THOC1: variants seen among roughly 807,000 people sequenced by gnomAD.
The protein encoded by THOC1 is THO complex 1.
A neutral mutation model predicts 97.3 loss-of-function variants in THOC1; 29 were observed. The ratio of observed to expected loss-of-function variants is 0.30; its 90% confidence interval spans 0.22 to 0.41. The LOEUF (loss-of-function observed/expected upper bound fraction) is 0.41, where lower values mean the gene tolerates loss of function less well. Ranked by LOEUF, THOC1 falls within the 10% of genes least tolerant of loss-of-function variation. The pLI is 1.00. For missense variants in THOC1, 529 were observed against 761.9 expected (o/e 0.69, Z 3.60); for synonymous variants, 255 against 257.0 (o/e 0.99, Z 0.07).
chr18:222,167 T>C (rs17545583), intron 17 of THOC1, among the ~76,000 whole-genome samples: 12,403 of 152,320 alleles, frequency 0.081, 716 homozygotes, highest in Middle Eastern at 0.18. Context: ...TCTTTAATTC[T>C]GACCACCCCT....
intron 7 of THOC1, among the ~76,000 whole-genome samples, chr18:258,748 G>A (rs565585028): frequency 3.3e-5 from 5 of 151,928 alleles, no homozygotes; most frequent in Admixed American, 6.6e-5. Flanking sequence ...TACAGTATTT[G>A]TTTCATTATT....
chr18:259,302 C>A (rs757493602), intron 6 of THOC1, 27 bp from the exon 7 acceptor site: 2 of 1,532,058 alleles, frequency 1.3e-6, no homozygotes, highest in Non-Finnish European at 1.8e-6. Flanking sequence ...ATGAACGTTA[C>A]ACAGAAAAGA....
chr18:243,173 T>C (rs1911966012), intron 11 of THOC1, among the ~76,000 whole-genome samples: 1 of 152,214 alleles, frequency 6.6e-6, no homozygotes, highest in African/African-American at 2.4e-5. Context: ...TCAAAGCTGT[T>C]TTTACCTTCC....
intron 11 of THOC1, among the ~76,000 whole-genome samples, chr18:229,537 C>T (rs933159203): frequency 1.3e-5 from 2 of 150,348 alleles, no homozygotes; most frequent in African/African-American, 4.9e-5. Context: ...AAAAAATTAG[C>T]GGGGCGTGGT....
chr18:237,160 T>C (rs900196017), intron 11 of THOC1, among the ~76,000 whole-genome samples: 3 of 107,668 alleles, frequency 2.8e-5, no homozygotes, highest in African/African-American at 1.2e-4. Context: ...GTACTGGATT[T>C]TTTTTTTTTT....
intron 9 of THOC1, among the ~76,000 whole-genome samples, chr18:249,472 A>G (rs1784829): frequency 0.63 from 95,270 of 151,802 alleles, 30,611 homozygotes; most frequent in Admixed American, 0.71. Flanking sequence ...GACCAGCCTG[A>G]CCAACATACT....
chr18:251,235 G>A (rs1195196684), intron 9 of THOC1, among the ~76,000 whole-genome samples: 3 of 152,192 alleles, frequency 2.0e-5, no homozygotes, highest in African/African-American at 7.2e-5. Flanking sequence ...TGACTAGGAA[G>A]TATTGGAGTT....
intron 11 of THOC1, among the ~76,000 whole-genome samples, chr18:238,614 C>A (rs1911791593): frequency 6.6e-6 from 1 of 152,118 alleles, no homozygotes; most frequent in Non-Finnish European, 1.5e-5. Flanking sequence ...ATTTGTGTAT[C>A]TAAACATAGA....
chr18:252,652 T>C, intron 8 of THOC1, 40 bp from the exon 9 acceptor site: 1 of 1,517,856 alleles, frequency 6.6e-7, no homozygotes, highest in Non-Finnish European at 9.1e-7. Flanking sequence ...CATGAAGCAG[T>C]CATCAGACAG....
At chr18:240,689 A>G (rs745909464) in intron 11 of THOC1, among the ~76,000 whole-genome samples, 6 of 152,210 alleles carry the variant, frequency 3.9e-5, no homozygotes, top group East Asian at 1.9e-4. Flanking sequence ...ATGGAAGACA[A>G]TTTTTCCACA....
At position 226,841 on chromosome 18, in the gene THOC1, T is replaced by G. The variant is rs369391941; in HGVS notation, c.979A>C (p.Ile327Leu). Residue 327 changes from isoleucine (I) to leucine (L), a missense_variant, in exon 12 of 21, where the codon ATT becomes CTT. Around this residue, in one of 8 missense-constraint regions of THOC1, gnomAD observed 25 missense variants for 69.5 expected, o/e 0.36. Transcript: ENST00000261600. ...FRRHILLQYLILFQYLKGQVK... is the reference protein window; with the variant it reads ...FRRHILLQYLLLFQYLKGQVK... ...TGCCCCTTGAGATATTGGAATAAAA[T>G]GAGATACTGCAACAGGATGTGTCGA... is the stretch of plus-strand genomic sequence containing the variant. The G allele has an allele frequency of 4.3e-6, 7 of 1,612,074 alleles. No homozygotes were observed. Among genetic ancestry groups the G allele is most frequent in the Non-Finnish European group, 5.9e-6 (7 of 1,179,152 alleles).
intron 20 of THOC1, 95 bp downstream of exon 20, chr18:215,334 G>T: frequency 1.1e-6 from 1 of 915,564 alleles, no homozygotes; most frequent in Non-Finnish European, 1.7e-6. Context: ...AATGGGAGAA[G>T]TTGAGAAGTC....
intron 11 of THOC1, among the ~76,000 whole-genome samples, chr18:227,596 A>C (rs1201718041): frequency 1.1e-5 from 1 of 91,874 alleles, no homozygotes; most frequent in East Asian, 2.7e-4. Flanking sequence ...CTTGAAGGTC[A>C]CTCATGAGGA....
At chr18:249,182 A>G (rs963165076) in intron 9 of THOC1, among the ~76,000 whole-genome samples, 3 of 152,182 alleles carry the variant, frequency 2.0e-5, no homozygotes, top group Non-Finnish European at 4.4e-5. Context: ...AGCTTTCATC[A>G]TGAATTAGTA....
chr18:252,658 G>A, intron 8 of THOC1, 46 bp from the exon 9 acceptor site: 1 of 1,481,296 alleles, frequency 6.8e-7, no homozygotes, highest in Middle Eastern at 1.7e-4. Flanking sequence ...GCAGTCATCA[G>A]ACAGAAGAGA....
chr18:226,811 TG>T lies in THOC1; in HGVS notation c.1008del (p.Lys337AsnfsTer9). On this transcript the variant is annotated frameshift_variant, in exon 12 of 21. Coordinates refer to ENST00000261600, the MANE Select transcript of THOC1 (RefSeq NM_005131.3). LOFTEE classifies it high-confidence loss of function. ...LILFQYLKGQ[V>X]KFKSSNYVLT... is the part of the protein sequence containing the mutation. ...CCCATATTATCTTACCTTTTGAATT[TG>T]ACCTGCCCCTTGAGATATTGGAATA... The T allele has an allele frequency of 6.2e-7, 1 of 1,610,206 alleles. No individual in the cohort carries two copies. Among genetic ancestry groups the T allele is most frequent in the Non-Finnish European group, 8.5e-7 (1 of 1,178,212 alleles).
chr18:225,317 T>C lies in THOC1; in HGVS notation c.1086+20A>G. ...AATTTCCATTTTTTCAATCATGGGT[T>C]TGTTGCGTGTTGAACTTACTTGATA... On this transcript the variant is annotated intron_variant, in intron 13 of 20. Transcript: ENST00000261600. The C allele has an allele frequency of 1.2e-6, 2 of 1,611,904 alleles. No homozygotes were observed. Among genetic ancestry groups the C allele is most frequent in the Non-Finnish European group, 1.7e-6 (2 of 1,178,698 alleles).
chr18:216,622 T>C lies in THOC1; in HGVS notation c.1466A>G (p.Asn489Ser). 7 of 1,613,762 alleles carry C rather than the reference T, an allele frequency of 4.3e-6. No individual in the cohort carries two copies. The highest frequency in any genetic ancestry group is 5.9e-6 in the Non-Finnish European group (7 of 1,179,818). Residue 489 changes from asparagine (N) to serine (S), a missense_variant, in exon 19 of 21, where the codon AAT becomes AGT. Asn to Ser is a conservative substitution (Grantham distance 46). Transcript: ENST00000261600. ...MVENEYKAVN[N>S]SNYGWRALRL... ...CAGGGCTCTCCAACCATAATTTGAA[T>C]TGTTCACAGCCCTATAAAAAGAGGT...
chr18:216,346 T>C, intron 19 of THOC1, 140 bp downstream of exon 19: 3 of 896,248 alleles, frequency 3.3e-6, no homozygotes, highest in Non-Finnish European at 5.2e-6. Context: ...TCCAATGTGT[T>C]TTTCCCTCAT....
Sources: allele counts gnomAD v4.1 joint callset (sites outside exome capture counted in the v4.1 genomes callset), GRCh38; gene constraint gnomAD v4.1.1; regional missense constraint gnomAD v4.1.1; transcripts MANE v1.5; gene names NCBI Gene and HGNC (gene_info 2026-07-23, HGNC 2026-07-21).